The following TSPAN1 variants were observed in gnomAD, a reference collection of about 807,000 sequenced individuals.
The protein encoded by TSPAN1 is tetraspanin-1.
A neutral mutation model predicts 26.9 loss-of-function variants in TSPAN1; 23 were observed. The ratio of observed to expected loss-of-function variants is 0.85; its 90% CI spans 0.62 to 1.21. The LOEUF (loss-of-function observed/expected upper bound fraction) is 1.21. Ranked by LOEUF, TSPAN1 falls within the 50% of genes most tolerant of loss-of-function variation. TSPAN1 has a pLI of 0.00. For missense variants in TSPAN1, 283 were observed against 298.4 expected, an observed-to-expected ratio of 0.95 and a Z score of 0.38; for synonymous variants, 115 against 114.8, an observed-to-expected ratio of 1.00 and a Z score of -0.01.
At chr1:46,181,866 C>T (rs1484232023) in intron 3 of TSPAN1, among the ~76,000 whole-genome samples, 1 of 152,060 alleles carries the variant, frequency 6.6e-6, no homozygotes, top group Non-Finnish European at 1.5e-5. Context: ...ATAAAGCATG[C>T]ATAAAGGGCC....
intron 1 of TSPAN1, chr1:46,176,584 G>A: frequency 7.6e-6 from 10 of 1,312,702 alleles, no homozygotes; most frequent in Non-Finnish European, 1.0e-5. Context: ...ACAAGTCGTG[G>A]GCCCTGGCCC....
chr1:46,175,998 A>G (rs1346869538), intron 1 of TSPAN1, among the ~76,000 whole-genome samples: 1 of 151,538 alleles, frequency 6.6e-6, no homozygotes, highest in Non-Finnish European at 1.5e-5. Context: ...TCAGCCTCCC[A>G]AGTAGCTGGG....
the TSPAN1 span, chr1:46,192,180 C>A: frequency 6.2e-7 from 1 of 1,614,196 alleles, no homozygotes; most frequent in Non-Finnish European, 8.5e-7. Context: ...CTCTCGGCCC[C>A]GGCGTTGTTC....
At position 46,184,589 on chromosome 1, in the gene TSPAN1, C is replaced by T. The variant is rs535105909; in HGVS notation, c.265-5C>T. 2 of 1,614,168 alleles carry T rather than the reference C, an allele frequency of 1.2e-6. No homozygotes were observed. The highest frequency in any genetic ancestry group is 3.3e-5 in the Admixed American group (2 of 60,032). On this transcript the variant is annotated splice_polypyrimidine_tract_variant and splice_region_variant and intron_variant, in intron 4 of 8. Coordinates refer to ENST00000372003, the MANE Select transcript of TSPAN1 (RefSeq NM_005727.4). ...CTAAAACCCAGACCCCTGTTCCCCA[C>T]TCAGTTCTTCTTCATCCTCCTCCTC...
intron 1 of TSPAN1, among the ~76,000 whole-genome samples, chr1:46,178,894 GA>G (rs1401107923): frequency 6.6e-6 from 1 of 151,996 alleles, no homozygotes; most frequent in Non-Finnish European, 1.5e-5. Context: ...TGGTTGTGAA[GA>G]GGAAAAAAAG....
the TSPAN1 span, chr1:46,193,714 CCA>C: frequency 6.2e-7 from 1 of 1,607,698 alleles, no homozygotes; most frequent in South Asian, 1.1e-5. Context: ...ACAGCTGGGC[CCA>C]GAGTCCCTAT....
the TSPAN1 span, chr1:46,192,665 G>T: frequency 1.2e-6 from 2 of 1,603,714 alleles, no homozygotes; most frequent in Admixed American, 1.7e-5. Context: ...TAGAATTGCT[G>T]GAGCTGGGTC....
chr1:46,195,736 G>A, the TSPAN1 span: 3 of 1,295,204 alleles, frequency 2.3e-6, no homozygotes, highest in Non-Finnish European at 2.2e-6. Flanking sequence ...TGTTATATGA[G>A]GGGCAGAGAA....
chr1:46,179,296 G>A (rs1468999126), intron 1 of TSPAN1, among the ~76,000 whole-genome samples: 2 of 148,250 alleles, frequency 1.3e-5, no homozygotes, highest in African/African-American at 2.5e-5. Flanking sequence ...CTGGGCAACA[G>A]AGCAAGACCC....
the TSPAN1 span, chr1:46,195,074 G>T: frequency 2.2e-6 from 2 of 909,310 alleles, no homozygotes; most frequent in Non-Finnish European, 3.7e-6. Context: ...TTACATTATT[G>T]CAATAACCCT....
chr1:46,185,330 G>A (rs1244320201), intron 8 of TSPAN1, 22 bp downstream of exon 8: 5 of 1,613,604 alleles, frequency 3.1e-6, no homozygotes, highest in Non-Finnish European at 4.2e-6. Flanking sequence ...AGGAGGCTGG[G>A]ACTGGGACAT....
chr1:46,194,746 A>C, the TSPAN1 span: 1 of 1,613,844 alleles, frequency 6.2e-7, no homozygotes, highest in African/African-American at 1.3e-5. Flanking sequence ...ACCCACTGCC[A>C]CTGGCTCCTA....
chr1:46,187,140 C>T (rs1292700998), downstream of TSPAN1, among the ~76,000 whole-genome samples: 2 of 152,198 alleles, frequency 1.3e-5, no homozygotes, highest in Admixed American at 6.5e-5. Flanking sequence ...CCTAACTATC[C>T]CTATGCTCCA....
At chr1:46,180,958 A>G (rs1388727462) in intron 2 of TSPAN1, 142 bp from the exon 3 acceptor site, 2 of 683,180 alleles carry the variant, frequency 2.9e-6, no homozygotes, top group Non-Finnish European at 5.1e-6. Context: ...GGTCTGTGTC[A>G]GACCAGGTAC....
At position 46,180,672 on chromosome 1, in the gene TSPAN1, G is replaced by A. The variant is rs1439956691; in HGVS notation, c.-9+14G>A. 1 of 172,132 alleles carries A rather than the reference G, an allele frequency of 5.8e-6. No individual in the cohort carries two copies. The highest frequency in any genetic ancestry group is 1.2e-5 in the Non-Finnish European group (1 of 81,294). 10.7% of individuals were successfully genotyped at this position (172,132 alleles called of 1,614,324 possible). ...AGCCCTGAACAGGTAATGGGATAGGGATACAGATTATCCTGTGAAGTGATA... is the reference window on the plus strand; with the variant it reads ...AGCCCTGAACAGGTAATGGGATAGGAATACAGATTATCCTGTGAAGTGATA... On this transcript the variant is annotated intron_variant, in intron 2 of 8. Coordinates refer to ENST00000372003, the MANE Select transcript of TSPAN1 (RefSeq NM_005727.4).
At chr1:46,190,489 C>T (rs757535442), downstream of TSPAN1, 4 of 1,606,056 alleles carry the variant, frequency 2.5e-6, no homozygotes, top group Non-Finnish European at 2.6e-6. Flanking sequence ...AGCCTGTGAA[C>T]TTCCACTTCA....
At chr1:46,186,469 C>A (rs12143152), downstream of TSPAN1, among the ~76,000 whole-genome samples, 2 of 150,436 alleles carry the variant, frequency 1.3e-5, no homozygotes, top group African/African-American at 4.9e-5. Context: ...TCAGACCTCA[C>A]CTCTTTTTCT....
At chr1:46,188,654 GAC>G (rs1481037590), downstream of TSPAN1, 1 of 1,557,156 alleles carries the variant, frequency 6.4e-7, no homozygotes, top group Non-Finnish European at 8.7e-7. Context: ...GCACCCCCCT[GAC>G]ACACAAAATC....
chr1:46,192,556 C>T, the TSPAN1 span: 1 of 1,614,164 alleles, frequency 6.2e-7, no homozygotes, highest in Non-Finnish European at 8.5e-7. Flanking sequence ...AGGCTGTCAT[C>T]CTCCTCCAGT....
Sources: gnomAD v4.1 joint callset for allele counts (sites outside exome capture counted in the v4.1 genomes callset) on GRCh38, gnomAD v4.1.1 for gene constraint, MANE v1.5 for transcripts, NCBI Gene and HGNC (gene_info 2026-07-23, HGNC 2026-07-21) for gene names.